NAALADL2: variants seen among roughly 807,000 people sequenced by gnomAD.
The protein encoded by NAALADL2 is N-acetylated alpha-linked acidic dipeptidase like 2, also known as inactive N-acetylated-alpha-linked acidic dipeptidase-like protein 2.
In NAALADL2, 76 loss-of-function variants were observed where a neutral mutation model predicts 87.2. The observed-to-expected ratio is 0.87, with a 90% CI of 0.72 to 1.05. The LOEUF is 1.05. NAALADL2 is among the 50% of genes least tolerant of loss of function. The pLI is 0.00. For synonymous variants in NAALADL2, 354 were observed against 331.0 expected (o/e 1.07, Z -0.75); for missense variants, 1,089 against 945.8 (o/e 1.15, Z -1.99).
chr3:175,389,330 A>G (rs1465724527), intron 5 of NAALADL2, among the ~76,000 whole-genome samples: 1 of 152,186 alleles, frequency 6.6e-6, no homozygotes. Context: ...CAGAATTTAC[A>G]TTTAGATCCA....
intron 1 of NAALADL2, among the ~76,000 whole-genome samples, chr3:175,066,005 C>G (rs564408336): frequency 2.0e-5 from 3 of 152,270 alleles, no homozygotes; most frequent in Admixed American, 1.3e-4. Flanking sequence ...ATAACGGGAA[C>G]AGTGTAACCG....
chr3:175,384,665 C>A (rs1452386831), intron 5 of NAALADL2, among the ~76,000 whole-genome samples: 2 of 151,610 alleles, frequency 1.3e-5, no homozygotes, highest in African/African-American at 2.4e-5. Flanking sequence ...TTTGTTTGTG[C>A]AATAATATTG....
At chr3:175,215,594 G>A (rs1188208723) in intron 2 of NAALADL2, among the ~76,000 whole-genome samples, 1 of 152,110 alleles carries the variant, frequency 6.6e-6, no homozygotes, top group African/African-American at 2.4e-5. Context: ...ATGTCTGTTT[G>A]AGGATCCTGG....
In NAALADL2 at chr3:174,862,224, T is replaced by A. The variant is rs115309969; in HGVS notation, c.43+2774T>A. 3.8e-3 allele frequency among the ~76,000 whole-genome samples: 573 copies of A among 152,058 alleles called. 1 individual carries two copies. Among genetic ancestry groups the A allele is most frequent in the Non-Finnish European group, 6.7e-3 (452 of 67,940 alleles). ...GCATTGTTATTTGTGAAGGGAAGGA[T>A]CATTTTTCTTGCATAATGCCTGCAA... On this transcript the variant is annotated intron_variant, in intron 1 of 13. Transcript: ENST00000454872.
intron 1 of NAALADL2, among the ~76,000 whole-genome samples, chr3:174,992,253 G>A (rs1248530122): frequency 6.6e-6 from 1 of 152,064 alleles, no homozygotes; most frequent in Non-Finnish European, 1.5e-5. Context: ...CACAGTTGAA[G>A]ATTGAATTTT....
intron 2 of NAALADL2, among the ~76,000 whole-genome samples, chr3:174,594,630 G>T (rs947614680): frequency 6.6e-6 from 1 of 152,168 alleles, no homozygotes; most frequent in Non-Finnish European, 1.5e-5. Context: ...GGCCTGGAGG[G>T]ACTGTGATAT....
intron 3 of NAALADL2, among the ~76,000 whole-genome samples, chr3:174,772,594 GT>G (rs1361308899): frequency 1.3e-5 from 2 of 152,118 alleles, no homozygotes; most frequent in African/African-American, 2.4e-5. Flanking sequence ...GAATTAAATG[GT>G]GGTAATAATT....
At chr3:175,271,113 G>A (rs1193212382) in intron 4 of NAALADL2, 1 of 152,154 alleles carries the variant, frequency 6.6e-6, no homozygotes, top group Non-Finnish European at 1.5e-5. Context: ...GTAACAGGGG[G>A]ATATGAGTAG....
At chr3:175,713,717 C>T (rs1016106358) in intron 11 of NAALADL2, among the ~76,000 whole-genome samples, 11 of 151,586 alleles carry the variant, frequency 7.3e-5, no homozygotes, top group Non-Finnish European at 1.6e-4. Flanking sequence ...TTTTTCTTAC[C>T]ACCCCAAATG....
rs926373384 is a variant in NAALADL2, at chr3:175,805,350, T to C, written c.*2147T>C. ...TCACACTGTATAGATAAAAACCTTC[T>C]TCTGTATTCCTCACCTCTAAATTAT... On this transcript the variant is annotated 3_prime_UTR_variant, in exon 14 of 14. Transcript: ENST00000454872. 1 of 151,942 alleles carries C rather than the reference T, an allele frequency of 6.6e-6. No individual in the cohort carries two copies. Among genetic ancestry groups the C allele is most frequent in the Non-Finnish European group, 1.5e-5 (1 of 67,890 alleles). The allele number at this position is 151,942 out of a possible 1,614,324, so 9.4% of individuals were successfully genotyped here. A position where few individuals can be genotyped will look rare whatever the true frequency, so the allele number is the denominator to read the frequency against.
At chr3:174,737,705 C>T (rs999369174) in exon 3 of NAALADL2, 5 of 152,184 alleles carry the variant, frequency 3.3e-5, no homozygotes, top group African/African-American at 9.7e-5. Flanking sequence ...TCTCCTGTAA[C>T]CTGCAGAAGC....
At chr3:175,062,049 T>C (rs1196025383) in intron 1 of NAALADL2, among the ~76,000 whole-genome samples, 3 of 152,116 alleles carry the variant, frequency 2.0e-5, no homozygotes, top group Non-Finnish European at 2.9e-5. Flanking sequence ...TTTATTTTCT[T>C]TTATTTAACA....
chr3:175,198,217 A>T (rs969709765), intron 2 of NAALADL2, among the ~76,000 whole-genome samples: 10 of 152,068 alleles, frequency 6.6e-5, no homozygotes, highest in Non-Finnish European at 1.3e-4. Flanking sequence ...ACAGTGTAAA[A>T]ACTTATCTTC....
chr3:175,685,189 C>G (rs1220976068), intron 11 of NAALADL2, among the ~76,000 whole-genome samples: 5 of 152,034 alleles, frequency 3.3e-5, no homozygotes, highest in Non-Finnish European at 7.4e-5. Flanking sequence ...CAAATAGTAC[C>G]CTCCTTAAGT....
intron 1 of NAALADL2, among the ~76,000 whole-genome samples, chr3:174,973,303 A>G (rs76063127): frequency 0.025 from 3,778 of 152,266 alleles, 133 homozygotes; most frequent in East Asian, 0.17. Context: ...GAATGAGTGA[A>G]ACAATTATTT....
intron 4 of NAALADL2, among the ~76,000 whole-genome samples, chr3:175,267,518 A>T (rs1752137204): frequency 6.6e-6 from 1 of 152,132 alleles, no homozygotes; most frequent in Non-Finnish European, 1.5e-5. Context: ...TGCTCAAATA[A>T]ACTCTGTTAA....
chr3:175,781,649 T>A (rs1751097821), intron 13 of NAALADL2, among the ~76,000 whole-genome samples: 2 of 147,402 alleles, frequency 1.4e-5, no homozygotes, highest in South Asian at 2.1e-4. Context: ...GTATTTTCAT[T>A]TTTAGCAAAA....
chr3:174,964,781 A>C (rs1448710746), intron 1 of NAALADL2, among the ~76,000 whole-genome samples: 2 of 151,772 alleles, frequency 1.3e-5, no homozygotes, highest in East Asian at 1.9e-4. Context: ...ATAACGTAGC[A>C]CCTCTCAGGG....
At chr3:174,778,242 G>A (rs1285951705) in intron 3 of NAALADL2, among the ~76,000 whole-genome samples, 1 of 151,918 alleles carries the variant, frequency 6.6e-6, no homozygotes, top group Admixed American at 6.6e-5. Context: ...TGATTAATGG[G>A]GATATTCAGC....
Sources: gnomAD v4.1 joint callset for allele counts (sites outside exome capture counted in the v4.1 genomes callset) on GRCh38, gnomAD v4.1.1 for gene constraint, MANE v1.5 for transcripts, NCBI Gene and HGNC (gene_info 2026-07-23, HGNC 2026-07-21) for gene names.